ITPR1: variants seen among roughly 807,000 people sequenced by gnomAD.
The protein encoded by ITPR1 is inositol 1,4,5-trisphosphate-gated calcium channel ITPR1.
Under a neutral mutation model 318.4 loss-of-function variants are expected in ITPR1, and 96 were observed. The observed-to-expected ratio is 0.30, with a 90% confidence interval of 0.26 to 0.36. The LOEUF (loss-of-function observed/expected upper bound fraction) is 0.36. Ranked by LOEUF, ITPR1 falls within the 10% of genes least tolerant of loss-of-function variation. The pLI, the probability that ITPR1 is intolerant of heterozygous loss-of-function variation, is 1.00. For missense variants in ITPR1, 2,440 were observed against 3,460.2 expected, an observed-to-expected ratio of 0.71 and a Z score of 7.40; for synonymous variants, 1,312 against 1,289.9, an observed-to-expected ratio of 1.02 and a Z score of -0.37.
intron 46 of ITPR1, among the ~76,000 whole-genome samples, chr3:4,773,699 A>G (rs1409843243): frequency 2.0e-5 from 3 of 152,168 alleles, no homozygotes; most frequent in Non-Finnish European, 4.4e-5. Flanking sequence ...GGCTGAGCCA[A>G]CCCCTCAAAC....
intron 34 of ITPR1, among the ~76,000 whole-genome samples, chr3:4,699,443 C>T (rs768299583): frequency 4.6e-5 from 7 of 152,178 alleles, no homozygotes; most frequent in African/African-American, 7.2e-5. Flanking sequence ...GGTCTAGAAC[C>T]GAGGAATGGA....
At chr3:4,812,308 G>A (rs1168578360) in intron 56 of ITPR1, among the ~76,000 whole-genome samples, 1 of 152,098 alleles carries the variant, frequency 6.6e-6, no homozygotes, top group Non-Finnish European at 1.5e-5. Context: ...AAAGTGCTGG[G>A]ATTACAGGTG....
chr3:4,522,137 C>G (rs1224874224), intron 4 of ITPR1, among the ~76,000 whole-genome samples: 2 of 152,052 alleles, frequency 1.3e-5, no homozygotes, highest in African/African-American at 4.8e-5. Context: ...GCTTGGGGCT[C>G]CATTGTAGAG....
At chr3:4,668,529 G>A (rs2094001280) in intron 18 of ITPR1, among the ~76,000 whole-genome samples, 2 of 151,614 alleles carry the variant, frequency 1.3e-5, no homozygotes, top group African/African-American at 4.9e-5. Context: ...GGGCAGTGGC[G>A]AGATCTCAGC....
chr3:4,612,457 C>G (rs148918102), intron 4 of ITPR1, among the ~76,000 whole-genome samples: 34 of 152,334 alleles, frequency 2.2e-4, no homozygotes, highest in Middle Eastern at 3.4e-3. Context: ...ATGGCAGTAC[C>G]TCAACACCCA....
chr3:4,520,077 G>A (rs1407100593), intron 3 of ITPR1, among the ~76,000 whole-genome samples: 1 of 152,098 alleles, frequency 6.6e-6, no homozygotes, highest in Non-Finnish European at 1.5e-5. Context: ...TGGGATGAGA[G>A]GAGGCAGCAC....
At chr3:4,720,815 A>T (rs543224394) in intron 40 of ITPR1, among the ~76,000 whole-genome samples, 3 of 152,260 alleles carry the variant, frequency 2.0e-5, no homozygotes, top group African/African-American at 7.2e-5. Context: ...AACAGGAGAA[A>T]CAAAGAGTGA....
chr3:4,625,467 A>G (rs958209643), intron 4 of ITPR1, among the ~76,000 whole-genome samples: 1 of 152,238 alleles, frequency 6.6e-6, no homozygotes, highest in African/African-American at 2.4e-5. Context: ...GAATAAATGT[A>G]CAGTTAGTAA....
At chr3:4,561,307 T>C (rs1186789513) in intron 4 of ITPR1, among the ~76,000 whole-genome samples, 1 of 152,166 alleles carries the variant, frequency 6.6e-6, no homozygotes, top group Non-Finnish European at 1.5e-5. Context: ...GAATTTCCCA[T>C]TGTCTACCTG....
At chr3:4,672,419 T>C (rs1051497647) in intron 20 of ITPR1, among the ~76,000 whole-genome samples, 2 of 152,258 alleles carry the variant, frequency 1.3e-5, no homozygotes, top group Non-Finnish European at 2.9e-5. Context: ...ATCATGATTA[T>C]TAGAAATACA....
chr3:4,638,809 A>G (rs2093267173), intron 5 of ITPR1, among the ~76,000 whole-genome samples: 2 of 152,000 alleles, frequency 1.3e-5, no homozygotes, highest in South Asian at 2.1e-4. Context: ...TTACATTATG[A>G]TTAATGTCTA....
intron 4 of ITPR1, among the ~76,000 whole-genome samples, chr3:4,563,947 CTT>C (rs535158611): frequency 2.0e-5 from 3 of 146,382 alleles, no homozygotes; most frequent in Non-Finnish European, 3.0e-5. Flanking sequence ...GTTTTCTTTT[CTT>C]TTTTTTTTTT....
chr3:4,507,931 T>G (rs1473372398), intron 2 of ITPR1, among the ~76,000 whole-genome samples: 1 of 152,232 alleles, frequency 6.6e-6, no homozygotes, highest in Admixed American at 6.5e-5. Flanking sequence ...GTTAAATGAT[T>G]ACAAATTCAG....
At chr3:4,832,657 A>G (rs768029527) in intron 60 of ITPR1, among the ~76,000 whole-genome samples, 1 of 152,190 alleles carries the variant, frequency 6.6e-6, no homozygotes, top group African/African-American at 2.4e-5. Flanking sequence ...TGACCTTTCT[A>G]TCTGGTCTAC....
At chr3:4,678,479 CT>C (rs942066294) in intron 24 of ITPR1, among the ~76,000 whole-genome samples, 40 of 152,302 alleles carry the variant, frequency 2.6e-4, no homozygotes, top group African/African-American at 9.6e-4. Flanking sequence ...TTGAGTCATT[CT>C]TTCCACGGGT....
intron 33 of ITPR1, among the ~76,000 whole-genome samples, chr3:4,695,731 C>T (rs950122509): frequency 6.6e-6 from 1 of 152,198 alleles, no homozygotes. Flanking sequence ...GGTTGATCCA[C>T]CCTGATATGT....
At chr3:4,713,800 G>A (rs2125286468) in intron 39 of ITPR1, among the ~76,000 whole-genome samples, 2 of 152,304 alleles carry the variant, frequency 1.3e-5, no homozygotes, top group Middle Eastern at 6.8e-3. Context: ...AAGCAGAGAG[G>A]CTTGGAGAAG....
intron 31 of ITPR1, among the ~76,000 whole-genome samples, chr3:4,689,680 A>G (rs2094450532): frequency 6.6e-6 from 1 of 152,220 alleles, no homozygotes; most frequent in African/African-American, 2.4e-5. Flanking sequence ...CCTCACCCCA[A>G]ATATAAAACT....
intron 44 of ITPR1, among the ~76,000 whole-genome samples, chr3:4,754,481 AC>A (rs2044802563): frequency 6.6e-6 from 1 of 152,180 alleles, no homozygotes; most frequent in Admixed American, 6.5e-5. Context: ...CTGAGACAGG[AC>A]CTGAGAGTTT....
Sources: gnomAD v4.1 joint callset for allele counts (sites outside exome capture counted in the v4.1 genomes callset) on GRCh38, gnomAD v4.1.1 for gene constraint, MANE v1.5 for transcripts, NCBI Gene and HGNC (gene_info 2026-07-23, HGNC 2026-07-21) for gene names.